The following FOCAD variants were observed in gnomAD, a reference collection of about 807,000 sequenced individuals.
FOCAD encodes focadhesin, also known as KIAA1797.
In FOCAD, 198 loss-of-function variants were observed where a neutral mutation model predicts 225.6. The observed-to-expected ratio is 0.88, with a 90% CI of 0.78 to 0.99. The LOEUF (loss-of-function observed/expected upper bound fraction) is 0.99. Among genes scored for constraint, FOCAD ranks in the 50% least tolerant of loss-of-function variants. FOCAD has a pLI of 0.00. For synonymous variants in FOCAD, 897 were observed against 755.0 expected (o/e 1.19, Z -3.08); for missense variants, 2,713 against 2,123.6 (o/e 1.28, Z -5.46).
intron 27 of FOCAD, among the ~76,000 whole-genome samples, chr9:20,929,978 C>G (rs9407968): frequency 6.6e-6 from 1 of 151,830 alleles, no homozygotes; most frequent in African/African-American, 2.4e-5. Flanking sequence ...TTGTTGATAT[C>G]ATTGAAAATG....
intron 18 of FOCAD, among the ~76,000 whole-genome samples, chr9:20,869,780 A>T (rs1432749887): frequency 6.6e-6 from 1 of 152,172 alleles, no homozygotes; most frequent in Non-Finnish European, 1.5e-5. Context: ...CGATCTGAAG[A>T]GCTGAGGATG....
At chr9:20,981,282 C>A in intron 37 of FOCAD, 144 bp from the exon 38 acceptor site, 1 of 936,370 alleles carries the variant, frequency 1.1e-6, no homozygotes, top group Non-Finnish European at 1.6e-6. Flanking sequence ...GACCGTGAAG[C>A]TGTGGGAAAA....
intron 15 of FOCAD, among the ~76,000 whole-genome samples, chr9:20,859,864 A>T (rs917958359): frequency 3.9e-5 from 6 of 151,930 alleles, no homozygotes; most frequent in African/African-American, 1.4e-4. Context: ...AGGCAAATTT[A>T]TAGAGACAGA....
At chr9:20,837,611 G>A (rs1826122655) in intron 15 of FOCAD, among the ~76,000 whole-genome samples, 1 of 151,976 alleles carries the variant, frequency 6.6e-6, no homozygotes, top group Admixed American at 6.6e-5. Context: ...CTGAAGTAGG[G>A]CAGTAGACAA....
intron 2 of FOCAD, among the ~76,000 whole-genome samples, chr9:20,670,249 T>C (rs1252378101): frequency 2.0e-5 from 3 of 152,240 alleles, no homozygotes; most frequent in African/African-American, 7.2e-5. Context: ...TTTATATGAA[T>C]AATCTCATTT....
intron 37 of FOCAD, among the ~76,000 whole-genome samples, chr9:20,980,400 C>T (rs575450932): frequency 1.3e-5 from 2 of 152,182 alleles, no homozygotes; most frequent in East Asian, 1.9e-4. Context: ...GGTTGGCCTT[C>T]GAAATTTTCC....
chr9:20,911,745 T>C (rs191052392), intron 22 of FOCAD, among the ~76,000 whole-genome samples: 4 of 152,292 alleles, frequency 2.6e-5, no homozygotes, highest in Admixed American at 1.3e-4. Context: ...TAGGTGTAAA[T>C]GGCATTAGGC....
intron 37 of FOCAD, among the ~76,000 whole-genome samples, chr9:20,980,538 G>C (rs1436378910): frequency 2.0e-5 from 3 of 152,058 alleles, no homozygotes; most frequent in Non-Finnish European, 4.4e-5. Context: ...CTTAAATATA[G>C]AATGATCTGA....
intron 15 of FOCAD, among the ~76,000 whole-genome samples, chr9:20,836,134 A>C (rs941268964): frequency 2.6e-5 from 4 of 152,044 alleles, no homozygotes; most frequent in African/African-American, 4.8e-5. Flanking sequence ...ATGGGGTGGG[A>C]ATGATTTTCA....
chr9:20,885,583 A>T (rs1365418760), intron 21 of FOCAD: 1 of 154,016 alleles, frequency 6.5e-6, no homozygotes, highest in African/African-American at 2.4e-5. Flanking sequence ...GTAGGGGACC[A>T]GTGTTTGTAT....
chr9:20,729,426 G>A (rs969550549), intron 4 of FOCAD, among the ~76,000 whole-genome samples: 18 of 152,236 alleles, frequency 1.2e-4, no homozygotes, highest in Non-Finnish European at 2.1e-4. Context: ...CCGGTTATTG[G>A]ATTTACGACC....
chr9:20,810,355 C>T (rs1822925952), intron 11 of FOCAD, among the ~76,000 whole-genome samples: 1 of 152,114 alleles, frequency 6.6e-6, no homozygotes, highest in East Asian at 1.9e-4. Flanking sequence ...ACTCCTCCTT[C>T]TAACTCTGGT....
chr9:20,664,608 ATTTCTTTTCT>A (rs199888780), intron 2 of FOCAD, among the ~76,000 whole-genome samples: 21 of 149,368 alleles, frequency 1.4e-4, no homozygotes, highest in African/African-American at 3.2e-4. Flanking sequence ...TGCCAGAGTG[ATTTCTTTTCT>A]TTTCTTTTCT....
chr9:20,659,168 C>T (rs545483543), intron 2 of FOCAD, among the ~76,000 whole-genome samples: 1 of 152,108 alleles, frequency 6.6e-6, no homozygotes, highest in East Asian at 1.9e-4. Context: ...TTCAGTGAGC[C>T]AAGATGGCAC....
At chr9:20,930,145 A>G (rs1000204045) in intron 27 of FOCAD, among the ~76,000 whole-genome samples, 3 of 151,476 alleles carry the variant, frequency 2.0e-5, no homozygotes, top group African/African-American at 7.3e-5. Context: ...TGCATATTAT[A>G]CTGTGTGCTT....
intron 12 of FOCAD, 78 bp from the exon 13 acceptor site, chr9:20,820,246 G>T: frequency 1.0e-6 from 1 of 1,003,674 alleles, no homozygotes; most frequent in Non-Finnish European, 1.5e-6. Flanking sequence ...ATAACAAGGG[G>T]TTTAAAAATG....
chr9:20,820,227 C>G, intron 12 of FOCAD, 97 bp from the exon 13 acceptor site: 1 of 828,432 alleles, frequency 1.2e-6, no homozygotes, highest in Non-Finnish European at 1.9e-6. Context: ...TCTTCTCAGT[C>G]TTCATTTTAT....
At chr9:20,681,518 T>G (rs182919276), upstream of FOCAD, among the ~76,000 whole-genome samples, 123 of 152,388 alleles carry the variant, frequency 8.1e-4, no homozygotes, top group Non-Finnish European at 2.5e-4. Flanking sequence ...CCATATTTTT[T>G]AACTTCAGAA....
In FOCAD at chr9:20,916,900, G is replaced by A. The variant is rs1252474828; in HGVS notation, c.2815G>A (p.Asp939Asn). 1.2e-6 allele frequency: 2 copies of A among 1,606,288 alleles called. No individual in the cohort carries two copies. The change falls in exon 24 of 44, where the codon GAC becomes AAC. Residue 939 changes from aspartate to asparagine, a missense_variant. By Grantham distance (23) the Asp-to-Asn change is conservative. Transcript: ENST00000338382. ...KKSTAWLWVR[D>N]MLTDEITKAA... ...TTTCCATCTTTATTGCAGGGTTAGA[G>A]ACATGCTGACTGATGAGATCACCAA...
Sources: gnomAD v4.1 joint callset for allele counts (sites outside exome capture counted in the v4.1 genomes callset) on GRCh38, gnomAD v4.1.1 for gene constraint, MANE v1.5 for transcripts, NCBI Gene and HGNC (gene_info 2026-07-23, HGNC 2026-07-21) for gene names.